ULK2: variants seen among roughly 807,000 people sequenced by gnomAD.
ULK2 encodes the protein unc-51 like autophagy activating kinase 2.
In ULK2, 76 loss-of-function variants were observed where a neutral mutation model predicts 127.5. The ratio of observed to expected loss-of-function variants is 0.60; its 90% CI spans 0.50 to 0.72. The LOEUF (loss-of-function observed/expected upper bound fraction) is 0.72. Among genes scored for constraint, ULK2 ranks in the 30% least tolerant of loss-of-function variants. The pLI, the probability that ULK2 is intolerant of heterozygous loss-of-function variation, is 0.00. For synonymous variants in ULK2, 452 were observed against 461.9 expected, an observed-to-expected ratio of 0.98 and a Z score of 0.28; for missense variants, 1,144 against 1,295.9, an observed-to-expected ratio of 0.88 and a Z score of 1.80.
Position 19,867,324 on chromosome 17 carries a change from T to G in ULK2, c.90+4A>C. On this transcript the variant is annotated splice_donor_region_variant and intron_variant, in intron 1 of 26. Transcript: ENST00000395544. ...GGCCCGGCCTCGCCCCGGCCGGCGC[T>G]CACCTGGCGGTGCCGCCCCCGGAAG... The G allele has an allele frequency of 6.3e-7, 1 of 1,583,804 alleles. No homozygotes were observed. The highest frequency in any genetic ancestry group is 1.8e-5 in the Admixed American group (1 of 56,992).
chr17:19,797,158 A>G (rs576215048), intron 18 of ULK2, among the ~76,000 whole-genome samples: 27 of 152,196 alleles, frequency 1.8e-4, no homozygotes, highest in African/African-American at 6.5e-4. Flanking sequence ...TTAGCTGGGC[A>G]TGGTGGCACA....
chr17:19,818,647 G>C (rs891630222), intron 12 of ULK2, among the ~76,000 whole-genome samples: 1 of 151,988 alleles, frequency 6.6e-6, no homozygotes, highest in Non-Finnish European at 1.5e-5. Flanking sequence ...CAGTGGCCTA[G>C]AACAACTCCC....
rs201972720 is a variant in ULK2 at position 19,796,193 on chromosome 17, C to T, written c.1899G>A (p.Ser633=). ...VTRHGPAEEQ[S]KDGNEPRECA... ...ATTCCCGTGGCTCATTCCCATCTTT[C>T]GACTGTTCTTCAGCAGGCCCATGAC... Residue 633 remains serine (S), a synonymous_variant, in exon 19 of 27, where the codon TCG becomes TCA. Transcript: ENST00000395544. 80 of 1,614,138 alleles carry T rather than the reference C, an allele frequency of 5.0e-5. No homozygotes were observed. Among genetic ancestry groups the T allele is most frequent in the Middle Eastern group, 1.6e-4 (1 of 6,062 alleles).
intron 25 of ULK2, among the ~76,000 whole-genome samples, chr17:19,779,531 C>A (rs1185779189): frequency 1.0e-4 from 7 of 67,984 alleles, no homozygotes; most frequent in South Asian, 5.2e-4. Flanking sequence ...AACTCCATCT[C>A]AAAAAAAAAA....
intron 12 of ULK2, among the ~76,000 whole-genome samples, chr17:19,823,599 T>C (rs2041213508): frequency 6.6e-6 from 1 of 152,190 alleles, no homozygotes; most frequent in Non-Finnish European, 1.5e-5. Flanking sequence ...TTATTGAGAC[T>C]TTGCCATGGC....
rs370742199 is a variant in ULK2, at chr17:19,838,547, G to A, written c.741C>T (p.Leu247=). ...PRETSPYLAN[L]LLGLLQRNQK... is the part of the protein sequence containing the mutation. ...GGTTTCTCTGAAGCAAACCCAAAAGGAGATTAGCCAAATAAGGTGATGTTT... is the reference window on the plus strand; with the variant it reads ...GGTTTCTCTGAAGCAAACCCAAAAGAAGATTAGCCAAATAAGGTGATGTTT... The change falls in exon 10 of 27, where the codon CTC becomes CTT. Residue 247 remains leucine (L), a synonymous_variant. Coordinates refer to ENST00000395544, the MANE Select transcript of ULK2 (RefSeq NM_014683.4). 5.0e-6 allele frequency: 8 copies of A among 1,613,160 alleles called. No homozygotes were observed. Among genetic ancestry groups the A allele is most frequent in the Non-Finnish European group, 5.9e-6 (7 of 1,179,778 alleles).
chr17:19,846,900 A>G lies in ULK2; in HGVS notation c.306T>C (p.Thr102=). 1 of 1,609,332 alleles carries G rather than the reference A, an allele frequency of 6.2e-7. No individual in the cohort carries two copies. Among genetic ancestry groups the G allele is most frequent in the South Asian group, 1.1e-5 (1 of 89,756 alleles). Residue 102 remains threonine, a synonymous_variant, in exon 6 of 27, where the codon ACT becomes ACC. Coordinates refer to ENST00000395544, the MANE Select transcript of ULK2 (RefSeq NM_014683.4). ...DLADYLQAKG[T]LSEDTIRVFL... is the part of the protein sequence containing the mutation. ...ACACTCTGATCGTGTCTTCACTGAGAGTCCCTTTCGCTGGTACAAAAGGAG... is the reference window on the plus strand; with the variant it reads ...ACACTCTGATCGTGTCTTCACTGAGGGTCCCTTTCGCTGGTACAAAAGGAG...
intron 5 of ULK2, among the ~76,000 whole-genome samples, chr17:19,847,601 G>A (rs934668541): frequency 2.0e-5 from 3 of 152,162 alleles, no homozygotes; most frequent in Admixed American, 6.5e-5. Flanking sequence ...CCAGGCTGGA[G>A]TGCAGTGGCA....
intron 10 of ULK2, among the ~76,000 whole-genome samples, chr17:19,835,795 C>T (rs561997479): frequency 6.6e-6 from 1 of 151,300 alleles, no homozygotes; most frequent in Non-Finnish European, 1.5e-5. Context: ...AGCCAGAACA[C>T]TCAATGAAAG....
At chr17:19,856,761 A>C (rs1228581148) in intron 3 of ULK2, among the ~76,000 whole-genome samples, 1 of 150,894 alleles carries the variant, frequency 6.6e-6, no homozygotes, top group Non-Finnish European at 1.5e-5. Flanking sequence ...TCACAAGGTC[A>C]GGAGATCGAG....
chr17:19,836,120 C>A (rs537298163), intron 10 of ULK2, among the ~76,000 whole-genome samples: 1,809 of 139,274 alleles, frequency 0.013, 11 homozygotes, highest in South Asian at 0.024. Context: ...AAAAAAAAAA[C>A]AAAAATTAGG....
rs142190048 is a variant in ULK2 at position 19,856,968 on chromosome 17, C to T, written c.226-7194G>A. Among the ~76,000 whole-genome samples the T allele has an allele frequency of 1.1e-3, 125 of 115,264 alleles. 4 individuals carry two copies. In the East Asian group the frequency reaches 0.028, roughly 26 times the overall value. The allele number at this position is 115,264 out of a possible 152,430, so 75.6% of individuals were successfully genotyped here. ...CTCCAGCCTTGGTGACAAAGCGAGA[C>T]TCCATCTCCAAAAAAAAAAAAAAAA... On this transcript the variant is annotated intron_variant, in intron 3 of 26. Transcript: ENST00000395544.
chr17:19,809,348 T>C (rs1418672315), intron 14 of ULK2, among the ~76,000 whole-genome samples: 2 of 152,178 alleles, frequency 1.3e-5, no homozygotes, highest in Non-Finnish European at 2.9e-5. Flanking sequence ...TCCTAGAAAT[T>C]GGTTGCATAA....
At chr17:19,781,242 CTTTTTTT>C (rs200296663) in intron 23 of ULK2, 138 bp from the exon 24 acceptor site, 152 of 472,102 alleles carry the variant, frequency 3.2e-4, no homozygotes, top group Non-Finnish European at 4.6e-4. Context: ...TCTTTCTTTT[CTTTTTTT>C]TTTTTTTTTT....
chr17:19,832,108 A>G (rs1328919524), intron 10 of ULK2, among the ~76,000 whole-genome samples: 1 of 151,928 alleles, frequency 6.6e-6, no homozygotes, highest in Non-Finnish European at 1.5e-5. Context: ...AGCGTTGGTG[A>G]CAGAGCAAAA....
Position 19,826,774 on chromosome 17 carries a change from G to A in ULK2, c.788-588C>T, listed in dbSNP as rs550193765. On this transcript the variant is annotated intron_variant, in intron 10 of 26. Transcript: ENST00000395544. ...AGATTGAGACCATCCTGGCTAACACGGTGAAACCCTGTCTCTACTAAAGAT... is the reference window on the plus strand; with the variant it reads ...AGATTGAGACCATCCTGGCTAACACAGTGAAACCCTGTCTCTACTAAAGAT... Among the ~76,000 whole-genome samples the A allele has an allele frequency of 1.2e-4, 18 of 152,196 alleles. 1 individual carries two copies. The highest frequency in any genetic ancestry group is 3.9e-4 in the African/African-American group (16 of 41,518).
At chr17:19,783,958 C>A (rs1033370223) in intron 21 of ULK2, 53 bp from the exon 22 acceptor site, 14 of 1,342,654 alleles carry the variant, frequency 1.0e-5, no homozygotes, top group Admixed American at 3.6e-5. Flanking sequence ...GCTTTCACAC[C>A]CACTCCTACT....
chr17:19,824,013 C>T (rs1398453905), intron 12 of ULK2, among the ~76,000 whole-genome samples: 6 of 152,072 alleles, frequency 3.9e-5, no homozygotes, highest in Admixed American at 6.6e-5. Flanking sequence ...AAGAACCCTA[C>T]GAGGTAGGTA....
At position 19,797,595 on chromosome 17, in the gene ULK2, T is replaced by C. The variant is rs1162282072; in HGVS notation, c.1610A>G (p.Gln537Arg). 1 of 1,613,820 alleles carries C rather than the reference T, an allele frequency of 6.2e-7. No homozygotes were observed. The highest frequency in any genetic ancestry group is 8.5e-7 in the Non-Finnish European group (1 of 1,179,960). Reference protein sequence around the residue: ...QSAPTLTDIYQNKQKLRKQHS... With the variant: ...QSAPTLTDIYRNKQKLRKQHS... The stretch of plus-strand genomic sequence containing the variant: ...CTGTTTTCTGAGCTTCTGCTTGTTC[T>C]GATAGATGTCAGTGAGGGTGGGGGC... Residue 537 changes from glutamine to arginine, a missense_variant, in exon 18 of 27, where the codon CAG becomes CGG. Physicochemically the swap from Gln to Arg is conservative, Grantham distance 43. This residue lies in a region of ULK2 where 913 missense variants were observed against 970.5 expected (regional missense o/e 0.94). Transcript: ENST00000395544.
Sources: gnomAD v4.1 joint callset for allele counts (sites outside exome capture counted in the v4.1 genomes callset) on GRCh38, gnomAD v4.1.1 for gene constraint, gnomAD v4.1.1 regional missense constraint, MANE v1.5 for transcripts, NCBI Gene and HGNC (gene_info 2026-07-23, HGNC 2026-07-21) for gene names.